The following EYA1 variants were observed in gnomAD, a reference collection of about 807,000 sequenced individuals.
EYA1 encodes the protein protein phosphatase EYA1.
Under a neutral mutation model 82.0 loss-of-function variants are expected in EYA1, and 16 were observed. That is an observed-to-expected ratio of 0.20 (90% confidence interval 0.13 to 0.30). The LOEUF (loss-of-function observed/expected upper bound fraction) is 0.30, where lower values mean the gene tolerates loss of function less well. Among genes scored for constraint, EYA1 ranks in the 10% least tolerant of loss-of-function variants. EYA1 has a pLI of 1.00. For synonymous variants in EYA1, 261 were observed against 264.4 expected, an observed-to-expected ratio of 0.99 and a Z score of 0.12; for missense variants, 633 against 730.7, an observed-to-expected ratio of 0.87 and a Z score of 1.54.
chr8:71,386,809 G>A (rs1054611971), intron 2 of EYA1, among the ~76,000 whole-genome samples: 2 of 152,206 alleles, frequency 1.3e-5, no homozygotes, highest in East Asian at 3.8e-4. Context: ...AGTCAAGGAT[G>A]ATGAATTTAA....
At chr8:71,276,803 C>T (rs9298166) in intron 9 of EYA1, among the ~76,000 whole-genome samples, 35,231 of 152,098 alleles carry the variant, frequency 0.23, 4,487 homozygotes, top group Admixed American at 0.29. Context: ...TCAACTGCCA[C>T]ATTTTGACTC....
In EYA1 at chr8:71,276,152, C is replaced by T. The variant is rs528813851; in HGVS notation, c.827-4255G>A. ...GTCAGCTGAAGAAAACACTATGTAACGTCATTGATTACTTAGTAACATGGT... is the reference window on the plus strand; with the variant it reads ...GTCAGCTGAAGAAAACACTATGTAATGTCATTGATTACTTAGTAACATGGT... On this transcript the variant is annotated intron_variant, in intron 9 of 17. Coordinates refer to ENST00000340726, the MANE Select transcript of EYA1 (RefSeq NM_000503.6). 9.8e-5 allele frequency among the ~76,000 whole-genome samples: 15 copies of T among 152,314 alleles called. No individual in the cohort carries two copies. The South Asian group carries it at 2.3e-3, about 23-fold the overall frequency.
At chr8:71,286,147 G>A (rs1357873979) in intron 9 of EYA1, among the ~76,000 whole-genome samples, 1 of 152,134 alleles carries the variant, frequency 6.6e-6, no homozygotes, top group Non-Finnish European at 1.5e-5. Context: ...GTGGAGGTGT[G>A]CCCCATTCAC....
chr8:71,299,857 T>C (rs1820012175), intron 7 of EYA1, 137 bp from the exon 8 acceptor site: 1 of 660,548 alleles, frequency 1.5e-6, no homozygotes, highest in African/African-American at 1.8e-5. Context: ...GTCTAAAATG[T>C]AGTTTTCTTA....
intron 17 of EYA1, among the ~76,000 whole-genome samples, chr8:71,207,252 TACTC>T (rs1293636804): frequency 1.3e-5 from 2 of 152,228 alleles, no homozygotes; most frequent in African/African-American, 4.8e-5. Flanking sequence ...ACTTTAAAGA[TACTC>T]ATTATCTTTT....
chr8:71,402,514 C>G (rs1830011419), intron 2 of EYA1, among the ~76,000 whole-genome samples: 1 of 152,106 alleles, frequency 6.6e-6, no homozygotes, highest in Non-Finnish European at 1.5e-5. Context: ...GCTTAATATT[C>G]TAAAGTTATT....
intron 2 of EYA1, among the ~76,000 whole-genome samples, chr8:71,469,397 C>T (rs1214722737): frequency 6.6e-6 from 1 of 151,988 alleles, no homozygotes; most frequent in Non-Finnish European, 1.5e-5. Flanking sequence ...TCAGCTTCCT[C>T]CCTTGTAAAA....
intron 2 of EYA1, among the ~76,000 whole-genome samples, chr8:71,467,387 T>C (rs1177211699): frequency 6.6e-6 from 1 of 152,146 alleles, no homozygotes; most frequent in Admixed American, 6.5e-5. Context: ...TATAAGTCAA[T>C]ATCCTTCTTT....
chr8:71,480,452 A>G (rs10093418), intron 2 of EYA1, among the ~76,000 whole-genome samples: 12,157 of 152,244 alleles, frequency 0.08, 657 homozygotes, highest in East Asian at 0.2. Context: ...CACTGGTTAA[A>G]TCACTTGTAC....
intron 9 of EYA1, among the ~76,000 whole-genome samples, chr8:71,280,780 A>C (rs1817727991): frequency 6.6e-6 from 1 of 151,976 alleles, no homozygotes; most frequent in Non-Finnish European, 1.5e-5. Context: ...ACAGGGTCTC[A>C]CTCTGTCACC....
At chr8:71,464,678 TA>T (rs1808650276) in intron 2 of EYA1, among the ~76,000 whole-genome samples, 1 of 152,262 alleles carries the variant, frequency 6.6e-6, no homozygotes, top group Admixed American at 6.5e-5. Flanking sequence ...CTTATTAATA[TA>T]ATTTGAGATT....
At chr8:71,218,590 G>C (rs1444055184) in intron 12 of EYA1, among the ~76,000 whole-genome samples, 4 of 151,456 alleles carry the variant, frequency 2.6e-5, no homozygotes, top group Non-Finnish European at 3.0e-5. Flanking sequence ...AAAAGGAAAA[G>C]CAAGTCTAGG....
chr8:71,367,776 A>T (rs959527690), intron 2 of EYA1, among the ~76,000 whole-genome samples: 1 of 152,214 alleles, frequency 6.6e-6, no homozygotes, highest in Non-Finnish European at 1.5e-5. Context: ...CTTGCAAGCG[A>T]TCAAATTGCC....
chr8:71,235,224 A>G (rs1563667029), intron 12 of EYA1, among the ~76,000 whole-genome samples: 3 of 152,188 alleles, frequency 2.0e-5, no homozygotes, highest in Admixed American at 2.0e-4. Context: ...AAGTGTAAAC[A>G]CTATTCTATC....
At chr8:71,484,897 C>G (rs556637488) in intron 2 of EYA1, among the ~76,000 whole-genome samples, 52 of 152,308 alleles carry the variant, frequency 3.4e-4, no homozygotes, top group African/African-American at 1.2e-3. Flanking sequence ...GGGTAGGGAA[C>G]AGCTGCTGTT....
intron 17 of EYA1, 26 bp from the exon 18 acceptor site, chr8:71,199,446 G>A (rs1483910459): frequency 7.0e-6 from 11 of 1,573,628 alleles, no homozygotes; most frequent in Non-Finnish European, 7.8e-6. Context: ...ACATACATGT[G>A]AGGACAGAGC....
chr8:71,419,244 T>G (rs1831016954), intron 2 of EYA1, among the ~76,000 whole-genome samples: 2 of 152,176 alleles, frequency 1.3e-5, no homozygotes, highest in South Asian at 4.1e-4. Context: ...AATAAGGAAC[T>G]AGTACAACAG....
At chr8:71,376,955 A>G (rs968265659) in intron 2 of EYA1, among the ~76,000 whole-genome samples, 1 of 151,950 alleles carries the variant, frequency 6.6e-6, no homozygotes, top group Non-Finnish European at 1.5e-5. Flanking sequence ...GTCTCTGTGT[A>G]TATGCTCACA....
chr8:71,301,865 T>C (rs1820234698), intron 7 of EYA1, among the ~76,000 whole-genome samples: 1 of 152,080 alleles, frequency 6.6e-6, no homozygotes, highest in South Asian at 2.1e-4. Context: ...AAAGGATGAC[T>C]AAGACATAGC....
Sources: allele counts gnomAD v4.1 joint callset (sites outside exome capture counted in the v4.1 genomes callset), GRCh38; gene constraint gnomAD v4.1.1; transcripts MANE v1.5; gene names NCBI Gene and HGNC (gene_info 2026-07-23, HGNC 2026-07-21).